PDE4D: variants seen among roughly 807,000 people sequenced by gnomAD.
PDE4D encodes the protein phosphodiesterase 4D.
In PDE4D, 24 loss-of-function variants were observed where a neutral mutation model predicts 87.4. That is an observed-to-expected ratio of 0.27 (90% CI 0.20 to 0.39). PDE4D has a LOEUF of 0.39. Among genes scored for constraint, PDE4D ranks in the 10% least tolerant of loss-of-function variants. The pLI is 1.00. For synonymous variants in PDE4D, 384 were observed against 383.2 expected (o/e 1.00, Z -0.02); for missense variants, 714 against 1,041.0 (o/e 0.69, Z 4.32).
At chr5:59,640,180 A>G (rs1741337310) in intron 1 of PDE4D, among the ~76,000 whole-genome samples, 1 of 152,160 alleles carries the variant, frequency 6.6e-6, no homozygotes, top group African/African-American at 2.4e-5. Flanking sequence ...TTTGATTTTT[A>G]CCATAACCTT....
chr5:60,044,610 C>T (rs888170950), intron 2 of PDE4D, among the ~76,000 whole-genome samples: 22 of 151,026 alleles, frequency 1.5e-4, no homozygotes, highest in Admixed American at 4.0e-4. Context: ...TGAGAATATG[C>T]GGTGTTTGGT....
At chr5:59,544,091 G>A (rs1816834371) in intron 1 of PDE4D, among the ~76,000 whole-genome samples, 1 of 152,172 alleles carries the variant, frequency 6.6e-6, no homozygotes, top group Non-Finnish European at 1.5e-5. Context: ...CACAACTGGG[G>A]CATGCAGACC....
chr5:59,891,146 A>G (rs992652857), intron 1 of PDE4D, among the ~76,000 whole-genome samples: 2 of 152,228 alleles, frequency 1.3e-5, no homozygotes, highest in African/African-American at 4.8e-5. Flanking sequence ...TTGCCTGTGA[A>G]CCATTCAACT....
At chr5:59,049,567 A>C (rs1761225795) in intron 5 of PDE4D, among the ~76,000 whole-genome samples, 1 of 152,228 alleles carries the variant, frequency 6.6e-6, no homozygotes, top group East Asian at 1.9e-4. Context: ...ATCCTTACAA[A>C]ATAGAGTAAA....
At chr5:59,879,542 T>G (rs1395434521) in intron 1 of PDE4D, among the ~76,000 whole-genome samples, 1 of 152,260 alleles carries the variant, frequency 6.6e-6, no homozygotes, top group Admixed American at 6.5e-5. Context: ...TTCCGTTTGG[T>G]CTTCTATCAT....
chr5:59,346,694 G>A (rs1033291790), intron 1 of PDE4D, among the ~76,000 whole-genome samples: 1 of 152,078 alleles, frequency 6.6e-6, no homozygotes, highest in African/African-American at 2.4e-5. Flanking sequence ...GCACAAAGCC[G>A]TCCTTGTCAT....
chr5:59,998,440 C>A (rs1763716415), intron 2 of PDE4D, among the ~76,000 whole-genome samples: 1 of 151,858 alleles, frequency 6.6e-6, no homozygotes. Flanking sequence ...AATCAAAGAC[C>A]AGTTGTTAAA....
At chr5:59,175,097 T>C (rs1783614522) in intron 5 of PDE4D, among the ~76,000 whole-genome samples, 1 of 152,194 alleles carries the variant, frequency 6.6e-6, no homozygotes, top group African/African-American at 2.4e-5. Context: ...CCAAGCTACA[T>C]GGCTGTACTT....
intron 2 of PDE4D, among the ~76,000 whole-genome samples, chr5:60,056,182 G>A (rs538003620): frequency 1.3e-5 from 2 of 152,116 alleles, no homozygotes; most frequent in East Asian, 1.9e-4. Context: ...TTTCTTCATT[G>A]TAAGTAAGAT....
intron 2 of PDE4D, among the ~76,000 whole-genome samples, chr5:60,007,054 G>A (rs1381749926): frequency 6.6e-6 from 1 of 151,846 alleles, no homozygotes; most frequent in Non-Finnish European, 1.5e-5. Flanking sequence ...ATATTAAAAT[G>A]CTAGACCTTC....
intron 1 of PDE4D, among the ~76,000 whole-genome samples, chr5:59,444,955 G>T (rs913830016): frequency 6.6e-6 from 1 of 152,162 alleles, no homozygotes; most frequent in Non-Finnish European, 1.5e-5. Context: ...TCCTGGTTCT[G>T]TAAGTATTTA....
intron 1 of PDE4D, among the ~76,000 whole-genome samples, chr5:60,516,276 G>T (rs1750799582): frequency 6.6e-6 from 1 of 152,242 alleles, no homozygotes; most frequent in Non-Finnish European, 1.5e-5. Context: ...GAAAGAGGAT[G>T]TTTGAGAACT....
intron 1 of PDE4D, among the ~76,000 whole-genome samples, chr5:60,366,547 C>T (rs1419116618): frequency 6.6e-6 from 1 of 152,184 alleles, no homozygotes; most frequent in Admixed American, 6.5e-5. Context: ...CTGTACCAGG[C>T]ACATCTCAGG....
At chr5:59,836,027 C>T (rs918026040) in intron 1 of PDE4D, among the ~76,000 whole-genome samples, 9 of 151,886 alleles carry the variant, frequency 5.9e-5, no homozygotes, top group Admixed American at 1.3e-4. Flanking sequence ...ATAAAATATG[C>T]TAAAATAAAA....
intron 3 of PDE4D, among the ~76,000 whole-genome samples, chr5:59,920,716 C>T (rs569662666): frequency 3.4e-4 from 52 of 152,138 alleles, no homozygotes; most frequent in African/African-American, 1.1e-3. Context: ...TGTAGGGACA[C>T]GGATGAAACT....
chr5:59,004,286 G>A (rs1751132893), intron 6 of PDE4D, among the ~76,000 whole-genome samples: 1 of 152,076 alleles, frequency 6.6e-6, no homozygotes, highest in Non-Finnish European at 1.5e-5. Context: ...GTGACCTTGG[G>A]GAAGCTATTT....
chr5:59,370,674 CAA>C (rs1330638453), intron 1 of PDE4D, among the ~76,000 whole-genome samples: 3 of 152,050 alleles, frequency 2.0e-5, no homozygotes, highest in Non-Finnish European at 4.4e-5. Context: ...ATCCTCCCCA[CAA>C]AAAATTAAAT....
At chr5:59,393,374 G>T (rs1788632497) in intron 1 of PDE4D, among the ~76,000 whole-genome samples, 1 of 152,112 alleles carries the variant, frequency 6.6e-6, no homozygotes, top group Non-Finnish European at 1.5e-5. Flanking sequence ...CAAAAATAGG[G>T]GATAAAAGAG....
intron 1 of PDE4D, among the ~76,000 whole-genome samples, chr5:59,486,508 A>G (rs371463552): frequency 3.7e-4 from 56 of 152,322 alleles, no homozygotes; most frequent in East Asian, 2.5e-3. Flanking sequence ...CAACACTTAT[A>G]AAATACTTCC....
Sources: allele counts gnomAD v4.1 joint callset (sites outside exome capture counted in the v4.1 genomes callset), GRCh38; gene constraint gnomAD v4.1.1; transcripts MANE v1.5; gene names NCBI Gene and HGNC (gene_info 2026-07-23, HGNC 2026-07-21).